Variants in NRIP1 observed in about 807,000 individuals in gnomAD.
NRIP1 encodes the protein nuclear receptor interacting protein 1.
Under a neutral mutation model 75.0 loss-of-function variants are expected in NRIP1, and 28 were observed. That is an observed-to-expected ratio of 0.37 (90% CI 0.28 to 0.51). NRIP1 has a LOEUF of 0.51. Ranked by LOEUF, NRIP1 falls within the 20% of genes least tolerant of loss-of-function variation. The pLI is 0.92. For missense variants in NRIP1, 1,435 were observed against 1,343.7 expected (o/e 1.07, Z -1.06); for synonymous variants, 526 against 487.6 (o/e 1.08, Z -1.04).
rs2086626187 is a variant in NRIP1 at position 14,962,813 on chromosome 21, T to C, written c.*1903A>G. On this transcript the variant is annotated 3_prime_UTR_variant, in exon 4 of 4. Coordinates refer to ENST00000318948, the MANE Select transcript of NRIP1 (RefSeq NM_003489.4). The stretch of plus-strand genomic sequence containing the variant: ...GAGGAAAAATAACCATTTAGGGTTT[T>C]AGATCATATTAGGAAATCACACCTA... 1 of 152,482 alleles carries C rather than the reference T, an allele frequency of 6.6e-6. No individual in the cohort carries two copies. Among genetic ancestry groups the C allele is most frequent in the Non-Finnish European group, 1.5e-5 (1 of 67,952 alleles). 9.4% of individuals were successfully genotyped at this position (152,482 alleles called of 1,614,324 possible).
At chr21:14,974,953 T>A (rs745579618) in intron 3 of NRIP1, among the ~76,000 whole-genome samples, 47 of 148,272 alleles carry the variant, frequency 3.2e-4, no homozygotes, top group Admixed American at 1.0e-3. Context: ...ACAAAAACAT[T>A]AAAAAAAAAA....
chr21:14,977,372 C>T (rs1451014270), intron 3 of NRIP1, among the ~76,000 whole-genome samples: 1 of 152,076 alleles, frequency 6.6e-6, no homozygotes. Context: ...AACACTAAGC[C>T]AAAAACAATT....
chr21:14,983,942 G>A (rs997739150), intron 3 of NRIP1, among the ~76,000 whole-genome samples: 2 of 152,180 alleles, frequency 1.3e-5, no homozygotes, highest in Admixed American at 6.5e-5. Flanking sequence ...TGTACACTAA[G>A]AGCTCTGCTG....
At chr21:14,972,975 C>T (rs1049271028) in intron 3 of NRIP1, among the ~76,000 whole-genome samples, 1 of 152,094 alleles carries the variant, frequency 6.6e-6, no homozygotes, top group African/African-American at 2.4e-5. Flanking sequence ...GTTGGGAACC[C>T]CTGCTTCAGA....
chr21:15,057,641 G>A (rs929349794), intron 1 of NRIP1, among the ~76,000 whole-genome samples: 4 of 152,158 alleles, frequency 2.6e-5, no homozygotes, highest in African/African-American at 4.8e-5. Flanking sequence ...GTTTTTTAAC[G>A]GCTTCCTGAA....
chr21:15,061,594 C>T (rs1403114218), intron 1 of NRIP1, among the ~76,000 whole-genome samples: 1 of 152,146 alleles, frequency 6.6e-6, no homozygotes, highest in Non-Finnish European at 1.5e-5. Context: ...GACCCTAGCA[C>T]AATTTAAAGT....
chr21:14,982,699 TTTTTTTTTG>T (rs1568956047), intron 3 of NRIP1, among the ~76,000 whole-genome samples: 62 of 95,752 alleles, frequency 6.5e-4, no homozygotes, highest in East Asian at 3.1e-3. Flanking sequence ...TATTGTGGGG[TTTTTTTTTG>T]TTTTTTTTTT....
rs769310262 is a variant in NRIP1 at position 14,966,830 on chromosome 21, C to G, written c.1363G>C (p.Asp455His). Residue 455 changes from aspartate (D) to histidine (H), a missense_variant, in exon 4 of 4, where the codon GAC becomes CAC. Coordinates refer to ENST00000318948, the MANE Select transcript of NRIP1 (RefSeq NM_003489.4). ...CKHRTEKSESDQPVSLDNFTQ... is the reference protein window; with the variant it reads ...CKHRTEKSESHQPVSLDNFTQ... ...AAGTTATCCAGGGAAACAGGTTGGT[C>G]AGATTCTGATTTTTCAGTTCGGTGT... 3 of 1,614,046 alleles carry G rather than the reference C, an allele frequency of 1.9e-6. No homozygotes were observed. The highest frequency in any genetic ancestry group is 1.6e-4 in the Middle Eastern group (1 of 6,062).
chr21:14,969,848 G>C (rs1188200926), intron 3 of NRIP1, among the ~76,000 whole-genome samples: 1 of 152,188 alleles, frequency 6.6e-6, no homozygotes, highest in Non-Finnish European at 1.5e-5. Flanking sequence ...GATACAGAAA[G>C]GAGGCAGCAA....
intron 2 of NRIP1, among the ~76,000 whole-genome samples, chr21:15,037,799 C>G (rs145358658): frequency 1.9e-3 from 282 of 152,218 alleles, no homozygotes; most frequent in African/African-American, 6.2e-3. Context: ...TAGGACTTGT[C>G]TTATCTTGTG....
intron 2 of NRIP1, among the ~76,000 whole-genome samples, chr21:15,024,122 G>C (rs1404849078): frequency 6.6e-6 from 1 of 152,166 alleles, no homozygotes; most frequent in Non-Finnish European, 1.5e-5. Flanking sequence ...GTTTCCTTAA[G>C]ACACAGAAAG....
chr21:15,005,687 A>G (rs2087952369), intron 3 of NRIP1, among the ~76,000 whole-genome samples: 1 of 152,190 alleles, frequency 6.6e-6, no homozygotes, highest in South Asian at 2.1e-4. Context: ...AAAATTAAAA[A>G]CAAGGTCTTT....
chr21:15,030,901 T>C (rs1198718915), intron 2 of NRIP1, among the ~76,000 whole-genome samples: 2 of 147,534 alleles, frequency 1.4e-5, no homozygotes, highest in Non-Finnish European at 3.0e-5. Flanking sequence ...GCTCGGAGGA[T>C]CACCACATTC....
Position 15,026,508 on chromosome 21 carries a change from A to G in NRIP1, c.-457-12042T>C, listed in dbSNP as rs562417234. 9.4e-4 allele frequency among the ~76,000 whole-genome samples: 143 copies of G among 152,308 alleles called. 1 individual carries two copies. The highest frequency in any genetic ancestry group is 3.3e-3 in the African/African-American group (138 of 41,560). ...TTTCATATAATTGAGCATTCTTTAC[A>G]TATCTACTCTTGGGTATATACCCTA... On this transcript the variant is annotated intron_variant, in intron 2 of 3. Transcript: ENST00000318948.
rs143883819 is a variant in NRIP1 at position 15,005,835 on chromosome 21, T to C, written c.-335+8509A>G. 2.0e-4 allele frequency among the ~76,000 whole-genome samples: 30 copies of C among 152,290 alleles called. No individual in the cohort carries two copies. The East Asian group carries it at 5.2e-3, about 26-fold the overall frequency. ...ACAATCACAAAGAATGGGGCAGTTA[T>C]TAGTTCTCAAAAGTAAACAACCCTT... On this transcript the variant is annotated intron_variant, in intron 3 of 3. Coordinates refer to ENST00000318948, the MANE Select transcript of NRIP1 (RefSeq NM_003489.4).
chr21:15,059,375 T>C (rs1349549081), intron 1 of NRIP1, among the ~76,000 whole-genome samples: 2 of 152,184 alleles, frequency 1.3e-5, no homozygotes, highest in Non-Finnish European at 2.9e-5. Flanking sequence ...AATTAAAATT[T>C]TATTTTCTGG....
intron 2 of NRIP1, among the ~76,000 whole-genome samples, chr21:15,043,134 T>C (rs1444786724): frequency 1.3e-5 from 2 of 152,338 alleles, no homozygotes; most frequent in African/African-American, 4.8e-5. Flanking sequence ...CTTTTAAGAC[T>C]GCCTGAATGT....
At position 14,966,471 on chromosome 21, in the gene NRIP1, G is replaced by T. The variant is rs1301823756; in HGVS notation, c.1722C>A (p.Val574=). 1.2e-6 allele frequency: 2 copies of T among 1,614,048 alleles called. No individual in the cohort carries two copies. The highest frequency in any genetic ancestry group is 8.5e-7 in the Non-Finnish European group (1 of 1,179,974). ...CATATGGTGGGGAATTCCATTTGAT[G>T]ACCAGAGAGTGTTGAGAGAGATTGA... The part of the protein sequence containing the change: ...SPINLSQHSL[V]IKWNSPPYVC... The change falls in exon 4 of 4, where the codon GTC becomes GTA. Residue 574 remains valine (V), a synonymous_variant. Transcript: ENST00000318948.
At chr21:15,033,446 G>A (rs1032047474) in intron 2 of NRIP1, among the ~76,000 whole-genome samples, 1 of 152,074 alleles carries the variant, frequency 6.6e-6, no homozygotes, top group Non-Finnish European at 1.5e-5. Context: ...ATCTGGTCTT[G>A]TTCAAAACCA....
Sources: allele counts gnomAD v4.1 joint callset (sites outside exome capture counted in the v4.1 genomes callset), GRCh38; gene constraint gnomAD v4.1.1; transcripts MANE v1.5; gene names NCBI Gene and HGNC (gene_info 2026-07-23, HGNC 2026-07-21).